GOLM2: variants seen among roughly 807,000 people sequenced by gnomAD.
GOLM2 encodes the protein protein GOLM2.
GOLM2 carries 26 observed loss-of-function variants against 55.9 expected under a neutral mutation model. That is an observed-to-expected ratio of 0.47 (90% confidence interval 0.34 to 0.65). GOLM2 has a LOEUF of 0.65. GOLM2 is among the 30% of genes least tolerant of loss of function. The pLI is 0.01. For synonymous variants in GOLM2, 165 were observed against 194.6 expected, an observed-to-expected ratio of 0.85 and a Z score of 1.27; for missense variants, 486 against 531.8, an observed-to-expected ratio of 0.91 and a Z score of 0.85.
chr15:44,331,952 G>T, intron 3 of GOLM2, 36 bp from the exon 4 acceptor site: 1 of 1,402,352 alleles, frequency 7.1e-7, no homozygotes, highest in Non-Finnish European at 1.0e-6. Flanking sequence ...TCCAATCCAA[G>T]ATAATATAAT....
In GOLM2 at chr15:44,291,507, TC is replaced by T. The variant is rs1283281811; in HGVS notation, c.327+2155del. On this transcript the variant is annotated intron_variant, in intron 1 of 9. Coordinates refer to ENST00000299957, the MANE Select transcript of GOLM2 (RefSeq NM_138423.4). ...TAAAATGTCTGCCATCTTTCTTTCCTCCCCTTTTTTGAAACTATTCTCTTGA... is the reference window on the plus strand; with the variant it reads ...TAAAATGTCTGCCATCTTTCTTTCCTCCCTTTTTTGAAACTATTCTCTTGA... Among the ~76,000 whole-genome samples the T allele has an allele frequency of 9.2e-5, 14 of 152,346 alleles. 1 individual carries two copies. The South Asian group carries it at 2.9e-3, about 32-fold the overall frequency.
At chr15:44,377,585 G>A (rs953189611) in intron 6 of GOLM2, among the ~76,000 whole-genome samples, 7 of 152,036 alleles carry the variant, frequency 4.6e-5, no homozygotes, top group African/African-American at 1.7e-4. Flanking sequence ...TTTTGGCCAG[G>A]CTGGTCTCAA....
chr15:44,353,409 G>T (rs2079177520), intron 6 of GOLM2, among the ~76,000 whole-genome samples: 2 of 152,136 alleles, frequency 1.3e-5, no homozygotes, highest in Admixed American at 6.5e-5. Context: ...GAAAGGATAT[G>T]ACCTGGCATT....
At chr15:44,407,619 T>G (rs1287718148) in intron 9 of GOLM2, among the ~76,000 whole-genome samples, 1 of 151,818 alleles carries the variant, frequency 6.6e-6, no homozygotes, top group East Asian at 1.9e-4. Context: ...TTTTTTAAAT[T>G]TTTTTTATTT....
intron 1 of GOLM2, among the ~76,000 whole-genome samples, chr15:44,312,883 A>G (rs1001094949): frequency 1.3e-5 from 2 of 152,098 alleles, no homozygotes; most frequent in African/African-American, 4.8e-5. Context: ...GATAGAGACC[A>G]TCTTGGCCAA....
At chr15:44,369,506 T>C (rs1360265271) in intron 6 of GOLM2, among the ~76,000 whole-genome samples, 6 of 151,982 alleles carry the variant, frequency 3.9e-5, no homozygotes, top group African/African-American at 7.3e-5. Flanking sequence ...TCTGTTTTGT[T>C]CACTGCTGAA....
chr15:44,377,555 G>A (rs1206020839), intron 6 of GOLM2, among the ~76,000 whole-genome samples: 1 of 151,900 alleles, frequency 6.6e-6, no homozygotes, highest in African/African-American at 2.4e-5. Flanking sequence ...GTATTTTTTA[G>A]TAGAGATGGG....
chr15:44,324,405 C>T (rs560743311), intron 2 of GOLM2, among the ~76,000 whole-genome samples: 33 of 152,162 alleles, frequency 2.2e-4, no homozygotes, highest in African/African-American at 7.2e-4. Flanking sequence ...AGCTATACAA[C>T]TTTTGGTTTT....
intron 1 of GOLM2, among the ~76,000 whole-genome samples, chr15:44,295,941 CACACACAG>C (rs1309836261): frequency 1.3e-5 from 2 of 151,496 alleles, no homozygotes; most frequent in African/African-American, 4.9e-5. Context: ...CACACACACA[CACACACAG>C]ACACCCTTTT....
intron 8 of GOLM2, among the ~76,000 whole-genome samples, chr15:44,388,201 G>A (rs1246089647): frequency 6.7e-6 from 1 of 148,334 alleles, no homozygotes. Context: ...TTGAACCTGG[G>A]AGGCGGAGGT....
At chr15:44,296,897 C>T (rs1347482620) in intron 1 of GOLM2, among the ~76,000 whole-genome samples, 2 of 152,182 alleles carry the variant, frequency 1.3e-5, no homozygotes, top group Non-Finnish European at 2.9e-5. Flanking sequence ...TTCTAATATG[C>T]TGCACATGAT....
At chr15:44,397,630 A>C (rs1048899338) in intron 8 of GOLM2, among the ~76,000 whole-genome samples, 2 of 151,854 alleles carry the variant, frequency 1.3e-5, no homozygotes, top group Non-Finnish European at 2.9e-5. Flanking sequence ...TTTGACTTAT[A>C]GCTGTTTTCT....
At chr15:44,361,309 TAAAG>T (rs1363736744) in intron 6 of GOLM2, among the ~76,000 whole-genome samples, 2 of 150,404 alleles carry the variant, frequency 1.3e-5, no homozygotes, top group African/African-American at 4.9e-5. Context: ...GCAAGACTAA[TAAAG>T]AAAAAAGAGA....
chr15:44,289,254 C>G lies in GOLM2; in HGVS notation c.225C>G (p.Asp75Glu). 6.2e-7 allele frequency: 1 copy of G among 1,614,156 alleles called. No homozygotes were observed. Among genetic ancestry groups the G allele is most frequent in the African/African-American group, 1.3e-5 (1 of 75,060 alleles). Reference protein sequence around the residue: ...KRNSDLLLLVDTHKKQIDQKE... With the variant: ...KRNSDLLLLVETHKKQIDQKE... ...ATTCGGACCTCTTGCTGTTGGTGGA[C>G]ACGCACAAGAAACAGATCGACCAGA... The change falls in exon 1 of 10, where the codon GAC (aspartate) becomes GAG (glutamate). Residue 75 changes from aspartate (D) to glutamate (E), a missense_variant. Transcript: ENST00000299957. The surrounding 1 kb of genome is among the most constrained non-coding windows in gnomAD (Gnocchi z 4.8).
At chr15:44,341,639 G>A (rs1016695357) in intron 6 of GOLM2, among the ~76,000 whole-genome samples, 5 of 150,320 alleles carry the variant, frequency 3.3e-5, no homozygotes, top group Non-Finnish European at 5.9e-5. Context: ...TTATCTTGCC[G>A]CTTCTGCTTT....
intron 6 of GOLM2, among the ~76,000 whole-genome samples, chr15:44,362,062 C>G (rs1191930408): frequency 6.6e-6 from 1 of 151,904 alleles, no homozygotes; most frequent in Admixed American, 6.6e-5. Flanking sequence ...TAAGAGCTAT[C>G]TATGACAAAC....
At chr15:44,341,638 C>T (rs549183897) in intron 6 of GOLM2, among the ~76,000 whole-genome samples, 15 of 151,428 alleles carry the variant, frequency 9.9e-5, no homozygotes, top group Middle Eastern at 3.4e-3. Context: ...CTTATCTTGC[C>T]GCTTCTGCTT....
At chr15:44,322,913 A>C in intron 1 of GOLM2, 52 bp from the exon 2 acceptor site, 2 of 1,341,010 alleles carry the variant, frequency 1.5e-6, no homozygotes, top group East Asian at 2.4e-5. Flanking sequence ...AACCAAAAAA[A>C]TGAACAAAAC....
chr15:44,330,036 G>A (rs146576916), intron 3 of GOLM2, among the ~76,000 whole-genome samples: 4,369 of 149,056 alleles, frequency 0.029, 99 homozygotes, highest in East Asian at 0.1. Flanking sequence ...TCAGCCTCCC[G>A]AGTAGCTGGG....
Sources: gnomAD v4.1 joint callset for allele counts (sites outside exome capture counted in the v4.1 genomes callset) on GRCh38, gnomAD v4.1.1 for gene constraint, Gnocchi (gnomAD v3.1) non-coding constraint, MANE v1.5 for transcripts, NCBI Gene and HGNC (gene_info 2026-07-23, HGNC 2026-07-21) for gene names.